Variants in ADAMTS9 observed in about 807,000 individuals in gnomAD.
The protein encoded by ADAMTS9 is A disintegrin and metalloproteinase with thrombospondin motifs 9.
In ADAMTS9, 107 loss-of-function variants were observed where a neutral mutation model predicts 257.1. The observed-to-expected ratio is 0.42, with a 90% CI of 0.36 to 0.49. The LOEUF (loss-of-function observed/expected upper bound fraction) is 0.49. Among genes scored for constraint, ADAMTS9 ranks in the 20% least tolerant of loss-of-function variants. ADAMTS9 has a pLI of 0.03. For synonymous variants in ADAMTS9, 982 were observed against 880.9 expected, an observed-to-expected ratio of 1.11 and a Z score of -2.03; for missense variants, 2,353 against 2,469.1, an observed-to-expected ratio of 0.95 and a Z score of 1.00.
chr3:64,522,296 G>T (rs1328099213), intron 38 of ADAMTS9, 36 bp from the exon 39 acceptor site: 1 of 1,594,774 alleles, frequency 6.3e-7, no homozygotes, highest in Non-Finnish European at 8.6e-7. Context: ...CTGCCTGCTT[G>T]GTTAATGCTT....
intron 30 of ADAMTS9, among the ~76,000 whole-genome samples, chr3:64,556,724 T>C (rs967112056): frequency 3.4e-5 from 5 of 148,822 alleles, no homozygotes; most frequent in Non-Finnish European, 6.0e-5. Flanking sequence ...TTTCCTTCCT[T>C]CCTTCCTTCC....
At chr3:64,621,715 T>C (rs931194477) in intron 18 of ADAMTS9, among the ~76,000 whole-genome samples, 35 of 151,316 alleles carry the variant, frequency 2.3e-4, no homozygotes, top group Non-Finnish European at 8.8e-5. Flanking sequence ...TGGGCTGAGA[T>C]TGTGCCACTG....
intron 30 of ADAMTS9, among the ~76,000 whole-genome samples, chr3:64,552,684 A>C (rs1214798768): frequency 6.6e-6 from 1 of 151,672 alleles, no homozygotes; most frequent in Non-Finnish European, 1.5e-5. Context: ...TTTAGTCCCA[A>C]GTAGCTGGGA....
At chr3:64,648,375 T>G (rs1200796485) in intron 10 of ADAMTS9, among the ~76,000 whole-genome samples, 1 of 152,148 alleles carries the variant, frequency 6.6e-6, no homozygotes, top group Non-Finnish European at 1.5e-5. Context: ...GTTCATCACT[T>G]CATCATTTCC....
intron 6 of ADAMTS9, 84 bp from the exon 7 acceptor site, chr3:64,654,696 T>C (rs1402422603): frequency 1.4e-5 from 20 of 1,469,382 alleles, no homozygotes; most frequent in Non-Finnish European, 1.8e-5. Context: ...GTCTAGGCAT[T>C]CACAACAGTA....
intron 28 of ADAMTS9, among the ~76,000 whole-genome samples, chr3:64,593,627 C>G (rs564703080): frequency 1.0e-3 from 156 of 152,204 alleles, no homozygotes; most frequent in Non-Finnish European, 1.7e-3. Context: ...AGACTAGGAC[C>G]AAAGCAAAAA....
intron 8 of ADAMTS9, 96 bp from the exon 9 acceptor site, chr3:64,651,259 A>C: frequency 9.3e-7 from 1 of 1,075,258 alleles, no homozygotes; most frequent in Admixed American, 3.3e-5. Context: ...AGAGAAAAAA[A>C]TTTAACTTCA....
At chr3:64,522,744 A>G (rs1333737084) in intron 38 of ADAMTS9, among the ~76,000 whole-genome samples, 2 of 152,172 alleles carry the variant, frequency 1.3e-5, no homozygotes, top group African/African-American at 2.4e-5. Flanking sequence ...TGATGTGTGT[A>G]TTGCTAGATC....
intron 28 of ADAMTS9, among the ~76,000 whole-genome samples, chr3:64,573,079 T>TAAAAA (rs57570382): frequency 2.5e-5 from 3 of 119,998 alleles, no homozygotes; most frequent in East Asian, 5.0e-4. Context: ...GACTCCATCT[T>TAAAAA]AAAAAAAAAA....
chr3:64,649,783 G>GGAAACACACA lies in ADAMTS9; in HGVS notation c.1464-15_1464-6dup, dbSNP rs751685390. On this transcript the variant is annotated splice_region_variant and splice_polypyrimidine_tract_variant and intron_variant, in intron 9 of 39. Coordinates refer to ENST00000498707, the MANE Select transcript of ADAMTS9 (RefSeq NM_182920.2). ...AAACACTCGCCATAACCAGTGCTAC[G>GGAAACACACA]GAAACACACAGAAACACACAGATGG... 195 of 1,611,424 alleles carry GGAAACACACA rather than the reference G, an allele frequency of 1.2e-4. No homozygotes were observed. Among genetic ancestry groups the GGAAACACACA allele is most frequent in the Non-Finnish European group, 1.6e-4 (187 of 1,178,908 alleles).
intron 3 of ADAMTS9, among the ~76,000 whole-genome samples, chr3:64,659,516 C>G (rs916255463): frequency 1.3e-5 from 2 of 151,602 alleles, no homozygotes; most frequent in African/African-American, 4.8e-5. Flanking sequence ...ATATATCACT[C>G]CTGCTATTCA....
chr3:64,642,895 G>A (rs564505448), intron 11 of ADAMTS9, among the ~76,000 whole-genome samples: 2 of 152,248 alleles, frequency 1.3e-5, no homozygotes, highest in South Asian at 4.2e-4. Flanking sequence ...CCAGGGGGTG[G>A]GGCAGTATGC....
intron 30 of ADAMTS9, among the ~76,000 whole-genome samples, chr3:64,559,897 G>C (rs1222641537): frequency 6.6e-6 from 1 of 152,314 alleles, no homozygotes; most frequent in African/African-American, 2.4e-5. Flanking sequence ...GCAGGGTTGA[G>C]TTTAGCGTGA....
At chr3:64,669,701 C>G (rs1157989260) in intron 3 of ADAMTS9, among the ~76,000 whole-genome samples, 1 of 152,086 alleles carries the variant, frequency 6.6e-6, no homozygotes, top group African/African-American at 2.4e-5. Flanking sequence ...AAACAGTCAG[C>G]AGGGTGGCAG....
chr3:64,633,809 G>C lies in ADAMTS9; in HGVS notation c.1927C>G (p.Leu643Val). 3.7e-6 allele frequency: 6 copies of C among 1,613,150 alleles called. No individual in the cohort carries two copies. The highest frequency in any genetic ancestry group is 5.1e-6 in the Non-Finnish European group (6 of 1,179,874). The change falls in exon 13 of 40, where the codon CTC becomes GTC. Residue 643 changes from leucine (L) to valine (V), a missense_variant. By Grantham distance (32) the Leu-to-Val change is conservative (BLOSUM62 1). Transcript: ENST00000498707. ...KFKSCNTEPCLKQKRDFRDEQ... is the reference protein window; with the variant it reads ...KFKSCNTEPCVKQKRDFRDEQ... ...TCTCGGAAGTCTCGCTTCTGCTTGA[G>C]ACATGGCTCCGTGTTGCAGGACTTA... is the stretch of plus-strand genomic sequence containing the variant.
At chr3:64,556,897 C>T (rs2083345185) in intron 30 of ADAMTS9, among the ~76,000 whole-genome samples, 1 of 152,020 alleles carries the variant, frequency 6.6e-6, no homozygotes, top group Admixed American at 6.6e-5. Flanking sequence ...ATTCATTTAA[C>T]AGGTATCTTT....
rs1180253466 is a variant in ADAMTS9 at position 64,519,547 on chromosome 3, C to T, written c.*6-2426G>A. ...TGATGAACATTGACATGAAAATCCT[C>T]AACAAAATACTAGCAAACTGAATCC... On this transcript the variant is annotated intron_variant, in intron 39 of 39. Coordinates refer to ENST00000498707, the MANE Select transcript of ADAMTS9 (RefSeq NM_182920.2). Among the ~76,000 whole-genome samples the T allele has an allele frequency of 2.0e-5, 3 of 152,088 alleles. No individual in the cohort carries two copies. In the South Asian group the frequency reaches 6.2e-4, roughly 32 times the overall value.
At chr3:64,669,701 C>T (rs1157989260) in intron 3 of ADAMTS9, among the ~76,000 whole-genome samples, 2 of 152,086 alleles carry the variant, frequency 1.3e-5, no homozygotes, top group African/African-American at 2.4e-5. Context: ...AAACAGTCAG[C>T]AGGGTGGCAG....
chr3:64,657,917 A>T (rs1349042666), intron 4 of ADAMTS9, among the ~76,000 whole-genome samples: 2 of 152,104 alleles, frequency 1.3e-5, no homozygotes, highest in Non-Finnish European at 2.9e-5. Flanking sequence ...TCAAAATGGG[A>T]GTAGAAAAAT....
Sources: gnomAD v4.1 joint callset for allele counts (sites outside exome capture counted in the v4.1 genomes callset) on GRCh38, gnomAD v4.1.1 for gene constraint, MANE v1.5 for transcripts, NCBI Gene and HGNC (gene_info 2026-07-23, HGNC 2026-07-21) for gene names.